P2RY6: variants seen among roughly 807,000 people sequenced by gnomAD.
P2RY6 encodes P2Y purinoceptor 6.
In P2RY6, 19 loss-of-function variants were observed where a neutral mutation model predicts 16.3. That is an observed-to-expected ratio of 1.16 (90% CI 0.81 to 1.71). The LOEUF is 1.71. P2RY6 is among the 40% of genes most tolerant of loss of function. P2RY6 has a pLI of 0.00. For synonymous variants in P2RY6, 184 were observed against 201.5 expected (o/e 0.91, Z 0.74); for missense variants, 389 against 455.5 (o/e 0.85, Z 1.33).
intron 1 of P2RY6, chr11:73,292,881 CTT>C (rs1864316916): frequency 1.0e-6 from 1 of 982,922 alleles, no homozygotes; most frequent in African/African-American, 1.8e-5. Context: ...CCCCAACACA[CTT>C]GGGACCACCA....
chr11:73,284,691 C>T (rs1229398812), intron 1 of P2RY6, among the ~76,000 whole-genome samples: 1 of 152,154 alleles, frequency 6.6e-6, no homozygotes, highest in Non-Finnish European at 1.5e-5. Context: ...CAAGCCAAGA[C>T]CCCCGTGCAC....
chr11:73,290,298 GAAAGA>G (rs1177104987), intron 1 of P2RY6, among the ~76,000 whole-genome samples: 12 of 126,388 alleles, frequency 9.5e-5, no homozygotes, highest in Non-Finnish European at 2.0e-4. Context: ...AAGAAAGAAA[GAAAGA>G]AAAGAAAGAA....
At chr11:73,290,331 GAAA>G (rs1864172594) in intron 1 of P2RY6, among the ~76,000 whole-genome samples, 2 of 147,928 alleles carry the variant, frequency 1.4e-5, no homozygotes. Context: ...AAGAAAGAAA[GAAA>G]GAAAGAAAGA....
chr11:73,290,362 A>AGAAAGAAG (rs1864187882), intron 1 of P2RY6, among the ~76,000 whole-genome samples: 1 of 105,666 alleles, frequency 9.5e-6, no homozygotes, highest in Non-Finnish European at 2.1e-5. Flanking sequence ...AAAGAAAGAA[A>AGAAAGAAG]GAAGGAAAGA....
chr11:73,295,831 G>C lies in P2RY6; in HGVS notation c.-35+16G>C. 2 of 970,244 alleles carry C rather than the reference G, an allele frequency of 2.1e-6. No individual in the cohort carries two copies. Among genetic ancestry groups the C allele is most frequent in the Non-Finnish European group, 2.5e-6 (2 of 816,208 alleles). The allele number at this position is 970,244 out of a possible 1,614,324, so 60.1% of individuals were successfully genotyped here. ...TGAGCCCCTGGTGTGTGGACCCTTC[G>C]CATTGGTTAACTAAGAGTTATCAGG... On this transcript the variant is annotated intron_variant, in intron 2 of 2. Transcript: ENST00000540124.
At chr11:73,295,875 C>A in intron 2 of P2RY6, 60 bp downstream of exon 2, 1 of 674,882 alleles carries the variant, frequency 1.5e-6, no homozygotes, top group Non-Finnish European at 1.8e-6. Flanking sequence ...CCGCCCCAGA[C>A]CCTGGGCGAA....
intron 1 of P2RY6, among the ~76,000 whole-genome samples, chr11:73,280,206 G>C (rs1310226827): frequency 6.6e-6 from 1 of 152,152 alleles, no homozygotes; most frequent in East Asian, 1.9e-4. Flanking sequence ...GTTCAGACTA[G>C]CCCAGGAGTC....
chr11:73,293,348 G>C (rs532949842), intron 1 of P2RY6, among the ~76,000 whole-genome samples: 1 of 152,320 alleles, frequency 6.6e-6, no homozygotes, highest in East Asian at 1.9e-4. Context: ...GGCTTGGCAG[G>C]GGTCTTGAAT....
Position 73,288,255 on chromosome 11 carries a change from C to T in P2RY6, c.-120-7475C>T, listed in dbSNP as rs574217756. On this transcript the variant is annotated intron_variant, in intron 1 of 2. Coordinates refer to ENST00000540124, the MANE Select transcript of P2RY6 (RefSeq NM_001277204.2). ...TCTTCGGCAACTGGGGCCCCTCATA[C>T]ATAGTGGGGTCTTGGGAGATGCAAG... Among the ~76,000 whole-genome samples the T allele has an allele frequency of 2.0e-5, 3 of 152,300 alleles. No homozygotes were observed. In the South Asian group the frequency reaches 6.2e-4, roughly 32 times the overall value.
In P2RY6 at chr11:73,292,295, GC is replaced by G. The variant is rs572756323; in HGVS notation, c.-120-3434del. On this transcript the variant is annotated intron_variant, in intron 1 of 2. Coordinates refer to ENST00000540124, the MANE Select transcript of P2RY6 (RefSeq NM_001277204.2). Reference sequence around the variant, plus strand: ...GTGTGGAGAAAAGAAGAAGAGGGAAGCGGGGGGAGAAGGCGGCTGAGTAAGT... The same window carrying G: ...GTGTGGAGAAAAGAAGAAGAGGGAAGGGGGGGAGAAGGCGGCTGAGTAAGT... 2.8e-3 allele frequency among the ~76,000 whole-genome samples: 424 copies of G among 152,356 alleles called. 2 individuals carry two copies. The highest frequency in any genetic ancestry group is 9.8e-3 in the African/African-American group (406 of 41,580).
chr11:73,283,522 A>G lies in P2RY6; in HGVS notation c.-121+11056A>G, dbSNP rs145380088. ...CCCTGGGTGGTGCTCAGGGACGTCA[A>G]GCCCAGTCATGCTCAGTGGCCTGTT... On this transcript the variant is annotated intron_variant, in intron 1 of 2. Coordinates refer to ENST00000540124, the MANE Select transcript of P2RY6 (RefSeq NM_001277204.2). Among the ~76,000 whole-genome samples the G allele has an allele frequency of 3.4e-3, 517 of 152,292 alleles. 8 individuals are homozygous for G. The highest frequency in any genetic ancestry group is 0.012 in the African/African-American group (485 of 41,552).
At chr11:73,279,947 C>T (rs1219065643) in intron 1 of P2RY6, among the ~76,000 whole-genome samples, 3 of 152,216 alleles carry the variant, frequency 2.0e-5, no homozygotes, top group Non-Finnish European at 4.4e-5. Context: ...TTACCTTAGG[C>T]TTCCTGTGAG....
intron 1 of P2RY6, among the ~76,000 whole-genome samples, chr11:73,278,936 T>C (rs754420094): frequency 2.6e-5 from 4 of 152,160 alleles, no homozygotes. Context: ...TTTTGATAAA[T>C]AGCCATAATA....
At chr11:73,284,581 T>G (rs530663514) in intron 1 of P2RY6, among the ~76,000 whole-genome samples, 21 of 152,324 alleles carry the variant, frequency 1.4e-4, no homozygotes, top group Non-Finnish European at 2.4e-4. Context: ...CAGGGCTGGC[T>G]TAAAGGCCTT....
chr11:73,269,375 C>G (rs1747900985), upstream of P2RY6, among the ~76,000 whole-genome samples: 1 of 152,204 alleles, frequency 6.6e-6, no homozygotes. Flanking sequence ...AGGCTTCCTC[C>G]TCATCTTATG....
chr11:73,297,056 C>T lies in P2RY6; in HGVS notation c.538C>T (p.Leu180Phe). ...GCGTAACCGCACTGTCTGCTATGAC[C>T]TCAGCCCGCCTGCCCTGGCCACCCA... ...IQRNRTVCYD[L>F]SPPALATHYM... Residue 180 changes from leucine to phenylalanine, a missense_variant, in exon 3 of 3, where the codon CTC becomes TTC. By Grantham distance (22) the Leu-to-Phe change is conservative. Coordinates refer to ENST00000540124, the MANE Select transcript of P2RY6 (RefSeq NM_001277204.2). 6.2e-7 allele frequency: 1 copy of T among 1,601,190 alleles called. No individual in the cohort carries two copies. The highest frequency in any genetic ancestry group is 8.5e-7 in the Non-Finnish European group (1 of 1,179,942).
intron 1 of P2RY6, among the ~76,000 whole-genome samples, chr11:73,287,596 C>G (rs1397372048): frequency 1.3e-5 from 2 of 152,258 alleles, no homozygotes; most frequent in Admixed American, 6.5e-5. Context: ...TCTCTCCCCC[C>G]ACGGACTGGA....
chr11:73,295,642 T>C (rs1565174006), intron 1 of P2RY6, 88 bp from the exon 2 acceptor site: 2 of 320,056 alleles, frequency 6.2e-6, no homozygotes, highest in East Asian at 1.7e-4. Flanking sequence ...CGCTGTGTTG[T>C]CAGAGGCTCT....
At position 73,297,343 on chromosome 11, in the gene P2RY6, A is replaced by G. The variant is rs766899289; in HGVS notation, c.825A>G (p.Val275=). ...CGACGCCGGGCGTCCCCTGCACTGTATTGGAGGCCTTTGCAGCGGCCTACA... is the reference window on the plus strand; with the variant it reads ...CGACGCCGGGCGTCCCCTGCACTGTGTTGGAGGCCTTTGCAGCGGCCTACA... ...VRSTPGVPCT[V]LEAFAAAYKG... is the part of the protein sequence containing the mutation. The change falls in exon 3 of 3, where the codon GTA becomes GTG. Residue 275 remains valine, a synonymous_variant. Coordinates refer to ENST00000540124, the MANE Select transcript of P2RY6 (RefSeq NM_001277204.2). 1.9e-6 allele frequency: 3 copies of G among 1,612,444 alleles called. No homozygotes were observed. The highest frequency in any genetic ancestry group is 2.2e-5 in the South Asian group (2 of 91,080).
Sources: allele counts gnomAD v4.1 joint callset (sites outside exome capture counted in the v4.1 genomes callset), GRCh38; gene constraint gnomAD v4.1.1; transcripts MANE v1.5; gene names NCBI Gene and HGNC (gene_info 2026-07-23, HGNC 2026-07-21).